Variants in TIMP2 observed in about 807,000 individuals in gnomAD.
TIMP2 encodes metalloproteinase inhibitor 2.
TIMP2 carries 5 observed loss-of-function variants against 24.3 expected under a neutral mutation model. The ratio of observed to expected loss-of-function variants is 0.21; its 90% CI spans 0.11 to 0.43. The LOEUF is 0.43. Among genes scored for constraint, TIMP2 ranks in the 20% least tolerant of loss-of-function variants. The pLI is 1.00. For synonymous variants in TIMP2, 130 were observed against 123.2 expected (o/e 1.06, Z -0.37); for missense variants, 221 against 297.5 (o/e 0.74, Z 1.89).
At chr17:78,877,307 G>A (rs968267391) in intron 1 of TIMP2, among the ~76,000 whole-genome samples, 2 of 152,230 alleles carry the variant, frequency 1.3e-5, no homozygotes, top group Non-Finnish European at 1.5e-5. Context: ...GGCCAGGCAC[G>A]GTGGCTCACT....
chr17:78,884,413 C>T (rs1037041655), intron 1 of TIMP2, among the ~76,000 whole-genome samples: 2 of 152,180 alleles, frequency 1.3e-5, no homozygotes, highest in East Asian at 1.9e-4. Context: ...GGCTGTTCGT[C>T]GGACCCAGGG....
At chr17:78,878,352 G>A (rs949457036) in intron 1 of TIMP2, among the ~76,000 whole-genome samples, 1 of 152,176 alleles carries the variant, frequency 6.6e-6, no homozygotes, top group East Asian at 1.9e-4. Flanking sequence ...CACTTCACAA[G>A]GTCGTGGTGA....
chr17:78,864,914 C>T (rs1311029677), intron 3 of TIMP2, among the ~76,000 whole-genome samples: 2 of 151,850 alleles, frequency 1.3e-5, no homozygotes, highest in African/African-American at 2.4e-5. Flanking sequence ...ATTAGCTGGG[C>T]GTGGTGGTGC....
At chr17:78,869,614 C>T (rs1275722118) in intron 3 of TIMP2, among the ~76,000 whole-genome samples, 1 of 151,922 alleles carries the variant, frequency 6.6e-6, no homozygotes, top group African/African-American at 2.4e-5. Flanking sequence ...AGTTGGAGAC[C>T]AGCCTGGTCA....
chr17:78,919,560 T>C (rs1269296042), intron 1 of TIMP2, among the ~76,000 whole-genome samples: 1 of 152,144 alleles, frequency 6.6e-6, no homozygotes, highest in South Asian at 2.1e-4. Flanking sequence ...ATCTGCTGGG[T>C]GCGGTGGCTC....
intron 1 of TIMP2, among the ~76,000 whole-genome samples, chr17:78,877,691 TTTC>T (rs551489677): frequency 8.5e-4 from 129 of 151,894 alleles, no homozygotes; most frequent in Non-Finnish European, 1.8e-3. Context: ...TGGAGCTGCT[TTTC>T]TTTTCTTTCT....
At position 78,891,694 on chromosome 17, in the gene TIMP2, C is replaced by G; in HGVS notation, c.131-17775G>C. 1 of 1,551,182 alleles carries G rather than the reference C, an allele frequency of 6.4e-7. No individual in the cohort carries two copies. Among genetic ancestry groups the G allele is most frequent in the Non-Finnish European group, 8.7e-7 (1 of 1,147,134 alleles). On this transcript the variant is annotated intron_variant, in intron 1 of 4. Transcript: ENST00000262768. This position sits in a 1 kb window ranked among gnomAD's most constrained non-coding sequence, Gnocchi z 4.5. ...TCCTCCCCGCCCGAGCTGTTCCTTT[C>G]TCTTTTTCCTCCACAAGCCCGATTT...
chr17:78,868,989 C>T (rs1010837697), intron 3 of TIMP2, among the ~76,000 whole-genome samples: 1 of 152,190 alleles, frequency 6.6e-6, no homozygotes, highest in Non-Finnish European at 1.5e-5. Flanking sequence ...AGGTAGGCCC[C>T]CACAACAAAG....
At chr17:78,916,208 TG>T (rs1162225047) in intron 1 of TIMP2, among the ~76,000 whole-genome samples, 1 of 152,104 alleles carries the variant, frequency 6.6e-6, no homozygotes, top group Non-Finnish European at 1.5e-5. Context: ...GGTGTGGAAG[TG>T]GGGGCAGAGA....
intron 1 of TIMP2, among the ~76,000 whole-genome samples, chr17:78,887,853 C>G (rs1472719196): frequency 3.3e-5 from 5 of 151,776 alleles, no homozygotes; most frequent in Non-Finnish European, 5.9e-5. Context: ...TCAAATGCAT[C>G]AGAGATATAG....
rs751018841 is a variant in TIMP2 at position 78,855,906 on chromosome 17, G to A, written c.466-42C>T. 15 of 1,604,360 alleles carry A rather than the reference G, an allele frequency of 9.3e-6. No individual in the cohort carries two copies. Among genetic ancestry groups the A allele is most frequent in the Non-Finnish European group, 1.7e-6 (2 of 1,172,352 alleles). The stretch of plus-strand genomic sequence containing the variant: ...GGAGGGGGACGGAGTCAGGGACCCA[G>A]GAAGGGGTGGGCAGAGGCTGCTCTG... On this transcript the variant is annotated intron_variant, in intron 4 of 4. Transcript: ENST00000262768. This position sits in a 1 kb window ranked among gnomAD's most constrained non-coding sequence, Gnocchi z 6.0.
intron 1 of TIMP2, among the ~76,000 whole-genome samples, chr17:78,884,736 C>T (rs895947482): frequency 3.3e-5 from 5 of 152,190 alleles, no homozygotes; most frequent in Admixed American, 6.5e-5. Context: ...CCCAGCCCTC[C>T]GCCCCGTGTC....
rs759112616 is a variant in TIMP2, at chr17:78,857,581, G to T, written c.406C>A (p.Leu136Met). ...LCDFIVPWDT[L>M]STTQKKSLNH... ...AGGCTCTTCTTCTGGGTGGTGCTCA[G>T]GGTGTCCCAGGGCACGATGAAGTCA... Residue 136 changes from leucine (L) to methionine (M), a missense_variant, in exon 4 of 5, where the codon CTG becomes ATG. Physicochemically the swap from Leu to Met is conservative, Grantham distance 15 (BLOSUM62 2). Transcript: ENST00000262768. 19 of 1,614,182 alleles carry T rather than the reference G, an allele frequency of 1.2e-5. No individual in the cohort carries two copies. Among genetic ancestry groups the T allele is most frequent in the Non-Finnish European group, 1.6e-5 (19 of 1,180,036 alleles).
At chr17:78,890,973 G>A (rs1019783277) in intron 1 of TIMP2, 7 of 1,550,992 alleles carry the variant, frequency 4.5e-6, no homozygotes, top group Admixed American at 2.0e-5. Flanking sequence ...TGTCTTCTCT[G>A]CTCCATCTCT....
chr17:78,869,017 TG>T (rs1201122671), intron 3 of TIMP2, among the ~76,000 whole-genome samples: 1 of 152,172 alleles, frequency 6.6e-6, no homozygotes, highest in Non-Finnish European at 1.5e-5. Context: ...CATCCCCAAA[TG>T]TTAATAGTGC....
chr17:78,915,980 G>T (rs1409181015), intron 1 of TIMP2, among the ~76,000 whole-genome samples: 2 of 152,178 alleles, frequency 1.3e-5, no homozygotes, highest in Non-Finnish European at 2.9e-5. Context: ...ATACCTCCAA[G>T]CCCTTGGCAC....
intron 1 of TIMP2, chr17:78,899,884 C>G (rs951342447): frequency 6.6e-6 from 1 of 152,230 alleles, no homozygotes; most frequent in Non-Finnish European, 1.5e-5. Context: ...CATAGTCAAG[C>G]GCTTTGTCTT....
intron 1 of TIMP2, chr17:78,874,209 G>A (rs1184696795): frequency 4.7e-6 from 2 of 430,058 alleles, no homozygotes; most frequent in East Asian, 8.3e-5. Context: ...TGTGACCAAG[G>A]CAGTTTCTGT....
intron 1 of TIMP2, among the ~76,000 whole-genome samples, chr17:78,913,999 T>C (rs2145793841): frequency 1.3e-5 from 2 of 152,118 alleles, no homozygotes; most frequent in South Asian, 4.1e-4. Context: ...TATAGTTGTG[T>C]AATTATTTTA....
Sources: allele counts gnomAD v4.1 joint callset (sites outside exome capture counted in the v4.1 genomes callset), GRCh38; gene constraint gnomAD v4.1.1; non-coding constraint Gnocchi (gnomAD v3.1); transcripts MANE v1.5; gene names NCBI Gene and HGNC (gene_info 2026-07-23, HGNC 2026-07-21).